Variants in LCAT observed in about 807,000 individuals in gnomAD.
LCAT encodes phosphatidylcholine-sterol acyltransferase.
Under a neutral mutation model 41.0 loss-of-function variants are expected in LCAT, and 15 were observed. The ratio of observed to expected loss-of-function variants is 0.37; its 90% CI spans 0.24 to 0.56. The LOEUF (loss-of-function observed/expected upper bound fraction) is 0.56, where lower values mean the gene tolerates loss of function less well. Among genes scored for constraint, LCAT ranks in the 20% least tolerant of loss-of-function variants. The pLI is 0.81. For missense variants in LCAT, 449 were observed against 595.1 expected (o/e 0.75, Z 2.55); for synonymous variants, 248 against 245.4 (o/e 1.01, Z -0.10).
chr16:67,943,358 T>G lies in LCAT; in HGVS notation c.155-146A>C. On this transcript the variant is annotated intron_variant, in intron 1 of 5. Coordinates refer to ENST00000264005, the MANE Select transcript of LCAT (RefSeq NM_000229.2). This position sits in a 1 kb window ranked among gnomAD's most constrained non-coding sequence, Gnocchi z 4.6. ...CAAAGCACACTTACCCTCCCCTGCT[T>G]ACACCCCCTCTCCCTGCTGTCCCCC... The G allele has an allele frequency of 1.4e-6, 1 of 695,358 alleles. No individual in the cohort carries two copies. The highest frequency in any genetic ancestry group is 2.5e-6 in the Non-Finnish European group (1 of 399,704). The allele number at this position is 695,358 out of a possible 1,614,324, so 43.1% of individuals were successfully genotyped here. A position where few individuals can be genotyped will look rare whatever the true frequency, so the allele number is the denominator to read the frequency against.
Position 67,942,473 on chromosome 16 carries a change from T to A in LCAT, c.638A>T (p.Tyr213Phe). The change falls in exon 5 of 6, where the codon TAT (tyrosine) becomes TTT (phenylalanine). Residue 213 changes from tyrosine (Y) to phenylalanine (F), a missense_variant. Physicochemically the swap from Tyr to Phe is conservative, Grantham distance 22. Coordinates refer to ENST00000264005, the MANE Select transcript of LCAT (RefSeq NM_000229.2). The surrounding 1 kb of genome is among the most constrained non-coding windows in gnomAD (Gnocchi z 6.6). ...GHSLGCLHLLYFLLRQPQAWK... is the reference protein window; with the variant it reads ...GHSLGCLHLLFFLLRQPQAWK... ...GGCCTGGGGCTGGCGCAGCAGGAAA[T>A]AGAGCAAGTGTAGACAGCCGAGGCT... 6.2e-7 allele frequency: 1 copy of A among 1,613,738 alleles called. No individual in the cohort carries two copies. The highest frequency in any genetic ancestry group is 8.5e-7 in the Non-Finnish European group (1 of 1,179,986).
At position 67,940,252 on chromosome 16, in the gene LCAT, CAGG is replaced by C. The variant is rs121908056; in HGVS notation, c.972_974del (p.Leu325del). 2 of 1,613,824 alleles carry C rather than the reference CAGG, an allele frequency of 1.2e-6. No individual in the cohort carries two copies. Among genetic ancestry groups the C allele is most frequent in the Non-Finnish European group, 8.5e-7 (1 of 1,180,010 alleles). ...CCACACCAGGTGCTGGGAGTCCTGC[CAGG>C]AGGTCACGTGACTGCAGCCACATGT... On this transcript the variant is annotated inframe_deletion, in exon 6 of 6. Coordinates refer to ENST00000264005, the MANE Select transcript of LCAT (RefSeq NM_000229.2).
Position 67,942,377 on chromosome 16 carries a change from A to C in LCAT, c.734T>G (p.Leu245Arg), listed in dbSNP as rs1444788549. The change falls in exon 5 of 6, where the codon CTG becomes CGG. Residue 245 changes from leucine (L) to arginine (R), a missense_variant. Physicochemically the swap from Leu to Arg is moderately radical, Grantham distance 102. Transcript: ENST00000264005. The surrounding 1 kb of genome is among the most constrained non-coding windows in gnomAD (Gnocchi z 6.6). ...APWGGSIKPM[L>R]VLASGDNQGI... The stretch of plus-strand genomic sequence containing the variant: ...GGCCTTCTCACCTGAGGCCAAGACC[A>C]GCATGGGCTTGATGGAGCCACCCCA... 1 of 1,613,916 alleles carries C rather than the reference A, an allele frequency of 6.2e-7. No individual in the cohort carries two copies. Among genetic ancestry groups the C allele is most frequent in the Admixed American group, 1.7e-5 (1 of 60,018 alleles).
At position 67,940,154 on chromosome 16, in the gene LCAT, G is replaced by A. The variant is rs759917018; in HGVS notation, c.1073C>T (p.Thr358Met). 1.2e-5 allele frequency: 20 copies of A among 1,613,680 alleles called. No homozygotes were observed. Among genetic ancestry groups the A allele is most frequent in the Middle Eastern group, 1.6e-4 (1 of 6,062 alleles). Residue 358 changes from threonine (T) to methionine (M), a missense_variant, in exon 6 of 6, where the codon ACG becomes ATG. By Grantham distance (81) the Thr-to-Met change is moderately conservative. Transcript: ENST00000264005. ...TYIYDHGFPY[T>M]DPVGVLYEDG... Reference sequence around the variant, plus strand: ...CTCATAGAGCACACCCACAGGGTCCGTGTAGGGGAAGCCGTGGTCGTAGAT... The same window carrying A: ...CTCATAGAGCACACCCACAGGGTCCATGTAGGGGAAGCCGTGGTCGTAGAT...
Position 67,943,764 on chromosome 16 carries a change from G to C in LCAT, c.154+184C>G. On this transcript the variant is annotated intron_variant, in intron 1 of 5. Transcript: ENST00000264005. The surrounding 1 kb of genome is among the most constrained non-coding windows in gnomAD (Gnocchi z 4.6). Reference sequence around the variant, plus strand: ...GGGTTAGACAACTGAGAGTCACAGTGTGGTGGGAGAAGGGACGTCATTCCT... The same window carrying C: ...GGGTTAGACAACTGAGAGTCACAGTCTGGTGGGAGAAGGGACGTCATTCCT... The C allele has an allele frequency of 1.6e-6, 1 of 619,980 alleles. No individual in the cohort carries two copies. The allele number at this position is 619,980 out of a possible 1,614,324, so 38.4% of individuals were successfully genotyped here. A position where few individuals can be genotyped will look rare whatever the true frequency, so the allele number is the denominator to read the frequency against.
At position 67,942,180 on chromosome 16, in the gene LCAT, G is replaced by A; in HGVS notation, c.748+183C>T. ...CCATCACTGACACAGACTCTGGAAG[G>A]AGCCACCCTAATTGCTCAGGCCAGG... On this transcript the variant is annotated intron_variant, in intron 5 of 5. Transcript: ENST00000264005. The surrounding 1 kb of genome is among the most constrained non-coding windows in gnomAD (Gnocchi z 6.6). The A allele has an allele frequency of 7.5e-7, 1 of 1,338,520 alleles. No individual in the cohort carries two copies. Among genetic ancestry groups the A allele is most frequent in the Non-Finnish European group, 1.0e-6 (1 of 978,506 alleles). 82.9% of individuals were successfully genotyped at this position (1,338,520 alleles called of 1,614,324 possible).
intron 5 of LCAT, chr16:67,941,848 G>A (rs1016150881): frequency 3.3e-5 from 35 of 1,057,528 alleles, no homozygotes; most frequent in Non-Finnish European, 3.8e-5. Context: ...TCTGATGAGC[G>A]TTTCTCTTGT....
chr16:67,940,090 G>A lies in LCAT; in HGVS notation c.1137C>T (p.Leu379=), dbSNP rs994047516. 9 of 1,613,098 alleles carry A rather than the reference G, an allele frequency of 5.6e-6. No homozygotes were observed. The highest frequency in any genetic ancestry group is 1.3e-5 in the African/African-American group (1 of 74,946). The change falls in exon 6 of 6, where the codon CTC becomes CTT. Residue 379 remains leucine (L), a synonymous_variant. Transcript: ENST00000264005. ...GCTGGCGGCCCTGCCACAGGCCACA[G>A]AGCTCGGTGCTGCGGGTCGCCACCG... ...DDTVATRSTE[L]CGLWQGRQPQ... is the part of the protein sequence containing the mutation.
Position 67,943,528 on chromosome 16 carries a change from G to C in LCAT, c.155-316C>G, listed in dbSNP as rs2058306050. On this transcript the variant is annotated intron_variant, in intron 1 of 5. Coordinates refer to ENST00000264005, the MANE Select transcript of LCAT (RefSeq NM_000229.2). The surrounding 1 kb of genome is among the most constrained non-coding windows in gnomAD (Gnocchi z 4.6). ...TCCAAGGTGGGAACAGATAGGTCTG[G>C]GGGCATGGGGGCTGGGCCTAATAGG... 1.9e-6 allele frequency: 1 copy of C among 516,366 alleles called. No individual in the cohort carries two copies. Among genetic ancestry groups the C allele is most frequent in the Non-Finnish European group, 3.5e-6 (1 of 283,232 alleles). The allele number at this position is 516,366 out of a possible 1,614,324, so 32.0% of individuals were successfully genotyped here. A position where few individuals can be genotyped will look rare whatever the true frequency, so the allele number is the denominator to read the frequency against.
In LCAT at chr16:67,942,633, T is replaced by C. The variant is rs755138978; in HGVS notation, c.523+38A>G. 3.7e-6 allele frequency: 6 copies of C among 1,612,556 alleles called. No homozygotes were observed. In the South Asian group the frequency reaches 6.6e-5, roughly 18 times the overall value. ...CAGGGCAGCTGGGGTCTGGGGCACC[T>C]GCCCCACCCCAAGCCGGTCATCCGC... On this transcript the variant is annotated intron_variant, in intron 4 of 5. Transcript: ENST00000264005. This position sits in a 1 kb window ranked among gnomAD's most constrained non-coding sequence, Gnocchi z 6.6.
chr16:67,942,507 T>G lies in LCAT; in HGVS notation c.604A>C (p.Ile202Leu). 6.2e-7 allele frequency: 1 copy of G among 1,613,738 alleles called. No homozygotes were observed. The change falls in exon 5 of 6, where the codon ATT (isoleucine) becomes CTT (leucine). Residue 202 changes from isoleucine (I) to leucine (L), a missense_variant. Coordinates refer to ENST00000264005, the MANE Select transcript of LCAT (RefSeq NM_000229.2). The surrounding 1 kb of genome is among the most constrained non-coding windows in gnomAD (Gnocchi z 6.6). Reference sequence around the variant, plus strand: ...TGTAGACAGCCGAGGCTGTGGCCAATGAGGAAGACAGGCTTCCCATAGGCA... The same window carrying G: ...TGTAGACAGCCGAGGCTGTGGCCAAGGAGGAAGACAGGCTTCCCATAGGCA... ...HAAYGKPVFLIGHSLGCLHLL... is the reference protein window; with the variant it reads ...HAAYGKPVFLLGHSLGCLHLL...
In LCAT at chr16:67,943,121, G is replaced by GA; in HGVS notation, c.245dup (p.Thr83HisfsTer20). 1 of 1,614,042 alleles carries GA rather than the reference G, an allele frequency of 6.2e-7. No individual in the cohort carries two copies. Among genetic ancestry groups the GA allele is most frequent in the Non-Finnish European group, 8.5e-7 (1 of 1,179,958 alleles). ...ACATGTTGAGATCCAGCCAGATGGT[G>GA]AAGAAGTCCTCTGTCTTGCGGTAGC... On this transcript the variant is annotated frameshift_variant, in exon 2 of 6. Coordinates refer to ENST00000264005, the MANE Select transcript of LCAT (RefSeq NM_000229.2). LOFTEE classifies it high-confidence loss of function. The surrounding 1 kb of genome is among the most constrained non-coding windows in gnomAD (Gnocchi z 4.6).
Position 67,944,003 on chromosome 16 carries a change from G to C in LCAT, c.99C>G (p.Pro33=). ...APFWLLNVLF[P]PHTTPKAELS... ...GCTCAGCCTTGGGCGTGGTGTGCGG[G>C]GGGAAGAGCACATTGAGGAGCCAGA... The change falls in exon 1 of 6, where the codon CCC becomes CCG. Residue 33 remains proline, a synonymous_variant. Coordinates refer to ENST00000264005, the MANE Select transcript of LCAT (RefSeq NM_000229.2). The surrounding 1 kb of genome is among the most constrained non-coding windows in gnomAD (Gnocchi z 6.6). 6.5e-7 allele frequency: 1 copy of C among 1,548,508 alleles called. No individual in the cohort carries two copies. The highest frequency in any genetic ancestry group is 1.2e-5 in the South Asian group (1 of 83,860).
chr16:67,939,775 C>A lies in LCAT; in HGVS notation c.*129G>T. ...AGCTCAGTCCCAGGCCTCAGCAGAG[C>A]CCATCTTGCCTCACTGCACACAGCA... On this transcript the variant is annotated 3_prime_UTR_variant, in exon 6 of 6. Transcript: ENST00000264005. 1 of 1,475,176 alleles carries A rather than the reference C, an allele frequency of 6.8e-7. No individual in the cohort carries two copies. Among genetic ancestry groups the A allele is most frequent in the Non-Finnish European group, 9.1e-7 (1 of 1,097,398 alleles). The allele number at this position is 1,475,176 out of a possible 1,614,324, so 91.4% of individuals were successfully genotyped here.
rs140576021 is a variant in LCAT at position 67,941,636 on chromosome 16, C to T, written c.748+727G>A. On this transcript the variant is annotated intron_variant, in intron 5 of 5. Transcript: ENST00000264005. ...TCTGAAAAAGAAAAAAAAAAGTAGG[C>T]GGGGCTTCCTGAGGACCAGGGTGTG... 8.5e-4 allele frequency: 841 copies of T among 984,882 alleles called. 26 individuals are homozygous for T. The highest frequency in any genetic ancestry group is 2.3e-4 in the East Asian group (2 of 8,816). The allele number at this position is 984,882 out of a possible 1,614,324, so 61.0% of individuals were successfully genotyped here.
At position 67,940,486 on chromosome 16, in the gene LCAT, T is replaced by A; in HGVS notation, c.749-8A>T. 2 of 1,613,688 alleles carry A rather than the reference T, an allele frequency of 1.2e-6. No individual in the cohort carries two copies. The highest frequency in any genetic ancestry group is 1.1e-5 in the South Asian group (1 of 91,064). The stretch of plus-strand genomic sequence containing the variant: ...GGATGCCCTGGTTGTCACCTGTGGA[T>A]ATGGAGCAAGGTGGGACAGGGAGCC... On this transcript the variant is annotated splice_region_variant and splice_polypyrimidine_tract_variant and intron_variant, in intron 5 of 5. Coordinates refer to ENST00000264005, the MANE Select transcript of LCAT (RefSeq NM_000229.2).
rs1170014177 is a variant in LCAT, at chr16:67,943,452, C to T, written c.155-240G>A. The T allele has an allele frequency of 2.3e-5, 13 of 573,764 alleles. No individual in the cohort carries two copies. Among genetic ancestry groups the T allele is most frequent in the South Asian group, 3.9e-5 (2 of 51,436 alleles). 35.5% of individuals were successfully genotyped at this position (573,764 alleles called of 1,614,324 possible). On this transcript the variant is annotated intron_variant, in intron 1 of 5. Coordinates refer to ENST00000264005, the MANE Select transcript of LCAT (RefSeq NM_000229.2). The surrounding 1 kb of genome is among the most constrained non-coding windows in gnomAD (Gnocchi z 4.6). ...AGGTGCTGAGGCCAAGGCCGCTGAC[C>T]CCTGCCTCTGCAGAGCAAACACCCA...
rs1313040865 is a variant in LCAT at position 67,943,361 on chromosome 16, A to G, written c.155-149T>C. On this transcript the variant is annotated intron_variant, in intron 1 of 5. Transcript: ENST00000264005. This position sits in a 1 kb window ranked among gnomAD's most constrained non-coding sequence, Gnocchi z 4.6. ...AGCACACTTACCCTCCCCTGCTTAC[A>G]CCCCCTCTCCCTGCTGTCCCCCCAG... 1.5e-6 allele frequency: 1 copy of G among 661,454 alleles called. No individual in the cohort carries two copies. The highest frequency in any genetic ancestry group is 3.1e-5 in the East Asian group (1 of 32,258). 41.0% of individuals were successfully genotyped at this position (661,454 alleles called of 1,614,324 possible). A position where few individuals can be genotyped will look rare whatever the true frequency, so the allele number is the denominator to read the frequency against.
In LCAT at chr16:67,940,071, G is replaced by A; in HGVS notation, c.1156C>T (p.Arg386Cys). The A allele has an allele frequency of 3.7e-6, 6 of 1,612,910 alleles. No homozygotes were observed. Among genetic ancestry groups the A allele is most frequent in the East Asian group, 4.5e-5 (2 of 44,866 alleles). The change falls in exon 6 of 6, where the codon CGC (arginine) becomes TGC (cysteine). Residue 386 changes from arginine to cysteine, a missense_variant. Physicochemically the swap from Arg to Cys is radical, Grantham distance 180. Transcript: ENST00000264005. ...AGCAGGTGCACAGGCTGTGGCTGGC[G>A]GCCCTGCCACAGGCCACAGAGCTCG... ...STELCGLWQG[R>C]QPQPVHLLPL...
Sources: gnomAD v4.1 joint callset for allele counts on GRCh38, gnomAD v4.1.1 for gene constraint, Gnocchi (gnomAD v3.1) non-coding constraint, MANE v1.5 for transcripts, NCBI Gene and HGNC (gene_info 2026-07-23, HGNC 2026-07-21) for gene names.